EP300: variants seen among roughly 807,000 people sequenced by gnomAD.
The protein encoded by EP300 is EP300 lysine acetyltransferase, also known as histone acetyltransferase p300.
EP300 carries 31 observed loss-of-function variants against 264.0 expected under a neutral mutation model. The ratio of observed to expected loss-of-function variants is 0.12; its 90% CI spans 0.09 to 0.16. The LOEUF is 0.16. Among genes scored for constraint, EP300 ranks in the 10% least tolerant of loss-of-function variants. EP300 has a pLI of 1.00. For missense variants in EP300, 2,766 were observed against 3,052.9 expected (o/e 0.91, Z 2.21); for synonymous variants, 1,340 against 1,045.4 (o/e 1.28, Z -5.44).
chr22:41,145,253 TTTTTAA>T (rs1321492048), intron 10 of EP300, among the ~76,000 whole-genome samples: 1 of 152,260 alleles, frequency 6.6e-6, no homozygotes, highest in African/African-American at 2.4e-5. Context: ...TTTCTATTGA[TTTTTAA>T]TTTTTATGTA....
rs1057026423 is a variant in EP300 at position 41,149,803 on chromosome 22, A to G, written c.2422A>G (p.Met808Val). 1.2e-6 allele frequency: 2 copies of G among 1,613,868 alleles called. No individual in the cohort carries two copies. Among genetic ancestry groups the G allele is most frequent in the African/African-American group, 2.7e-5 (2 of 74,864 alleles). The change falls in exon 14 of 31, where the codon ATG (methionine) becomes GTG (valine). Residue 808 changes from methionine (M) to valine (V), a missense_variant. By Grantham distance (21) the Met-to-Val change is conservative. Coordinates refer to ENST00000263253, the MANE Select transcript of EP300 (RefSeq NM_001429.4). ...TTCCTGCCCGGTGAACTCTCCTATA[A>G]TGCCTCCAGGGTCTCAGGGGAGCCA... ...SSSCPVNSPI[M>V]PPGSQGSHIH...
intron 1 of EP300, among the ~76,000 whole-genome samples, chr22:41,108,597 C>T (rs1004432321): frequency 3.9e-5 from 6 of 152,090 alleles, no homozygotes; most frequent in African/African-American, 1.4e-4. Context: ...TCCCGTTTTA[C>T]TTCACCATGA....
intron 8 of EP300, 43 bp from the exon 9 acceptor site, chr22:41,140,097 A>C: frequency 7.2e-7 from 1 of 1,384,578 alleles, no homozygotes; most frequent in Non-Finnish European, 1.0e-6. Flanking sequence ...ATACTAATTA[A>C]ATGCTGACAT....
chr22:41,171,986 C>T (rs2059173531), intron 27 of EP300, among the ~76,000 whole-genome samples: 1 of 152,154 alleles, frequency 6.6e-6, no homozygotes. Flanking sequence ...ACTTGTCTTC[C>T]TCAATTTAGT....
At chr22:41,124,461 C>T (rs145199201) in intron 2 of EP300, among the ~76,000 whole-genome samples, 23 of 152,196 alleles carry the variant, frequency 1.5e-4, no homozygotes, top group African/African-American at 5.1e-4. Flanking sequence ...ATTCCCAAAC[C>T]ATCAGTTTTC....
chr22:41,110,604 C>T (rs1342939332), intron 1 of EP300, among the ~76,000 whole-genome samples: 1 of 151,924 alleles, frequency 6.6e-6, no homozygotes, highest in African/African-American at 2.4e-5. Flanking sequence ...GGCCTATATC[C>T]AGCTAATTTT....
At chr22:41,140,001 A>G in intron 8 of EP300, 139 bp from the exon 9 acceptor site, 1 of 681,968 alleles carries the variant, frequency 1.5e-6, no homozygotes, top group Non-Finnish European at 2.6e-6. Context: ...TCACAAAAAG[A>G]TAATTTCATT....
chr22:41,137,832 T>A, intron 8 of EP300, 42 bp downstream of exon 8: 1 of 1,613,662 alleles, frequency 6.2e-7, no homozygotes, highest in Non-Finnish European at 8.5e-7. Flanking sequence ...AAAGAGATGT[T>A]ACGTCAACAT....
chr22:41,119,110 T>A (rs536067363), intron 2 of EP300, among the ~76,000 whole-genome samples: 1 of 149,392 alleles, frequency 6.7e-6, no homozygotes. Context: ...TTAAACAGTC[T>A]TCTCGCCTCA....
At chr22:41,113,157 A>AACC (rs2058802817) in intron 1 of EP300, among the ~76,000 whole-genome samples, 2 of 92,914 alleles carry the variant, frequency 2.2e-5, no homozygotes, top group East Asian at 3.3e-4. Flanking sequence ...TCAGGATTCC[A>AACC]CCCCCCCCCC....
chr22:41,138,249 C>T (rs959071995), intron 8 of EP300, among the ~76,000 whole-genome samples: 2 of 152,108 alleles, frequency 1.3e-5, no homozygotes, highest in Non-Finnish European at 2.9e-5. Flanking sequence ...CTGCAGACTT[C>T]GCCTCCCAGG....
At position 41,166,679 on chromosome 22, in the gene EP300, C is replaced by T. The variant is rs545137722; in HGVS notation, c.3874+13C>T. ...TTTTCTGCTAAAAGTAAGTTTTATTCTTAAAGGTAAATTTTGGCAAAACTT... is the reference window on the plus strand; with the variant it reads ...TTTTCTGCTAAAAGTAAGTTTTATTTTTAAAGGTAAATTTTGGCAAAACTT... On this transcript the variant is annotated intron_variant, in intron 23 of 30. Transcript: ENST00000263253. 1.2e-5 allele frequency: 19 copies of T among 1,603,324 alleles called. No individual in the cohort carries two copies. In the African/African-American group the frequency reaches 1.9e-4, roughly 16 times the overall value.
At chr22:41,118,879 A>G (rs1601599187) in intron 2 of EP300, among the ~76,000 whole-genome samples, 2 of 152,128 alleles carry the variant, frequency 1.3e-5, no homozygotes, top group African/African-American at 2.4e-5. Flanking sequence ...GTTGGGGGGA[A>G]CTGAGGTGAC....
chr22:41,126,799 C>T (rs1226141497), intron 3 of EP300, among the ~76,000 whole-genome samples: 1 of 115,902 alleles, frequency 8.6e-6, no homozygotes, highest in Non-Finnish European at 1.6e-5. Flanking sequence ...GGCTGGAGTG[C>T]AGTGGTACGA....
At position 41,179,704 on chromosome 22, in the gene EP300, TTA is replaced by T. The variant is rs1229872914; in HGVS notation, c.*754_*755del. On this transcript the variant is annotated 3_prime_UTR_variant, in exon 31 of 31. Coordinates refer to ENST00000263253, the MANE Select transcript of EP300 (RefSeq NM_001429.4). ...CAGGGGCAGCTGCCAAATTGATGTA[TTA>T]TATATTGTGGTTTCTGTTTCTTGAA... The T allele has an allele frequency of 1.7e-5, 4 of 229,476 alleles. No individual in the cohort carries two copies. Among genetic ancestry groups the T allele is most frequent in the Non-Finnish European group, 3.5e-5 (4 of 115,626 alleles). 14.2% of individuals were successfully genotyped at this position (229,476 alleles called of 1,614,324 possible). A position where few individuals can be genotyped will look rare whatever the true frequency, so the allele number is the denominator to read the frequency against.
At chr22:41,122,874 A>G (rs1272137424) in intron 2 of EP300, among the ~76,000 whole-genome samples, 1 of 152,172 alleles carries the variant, frequency 6.6e-6, no homozygotes, top group East Asian at 1.9e-4. Context: ...CTCTACAAAA[A>G]TAAAAACAAA....
chr22:41,164,313 AAT>A (rs2059123492), intron 22 of EP300, among the ~76,000 whole-genome samples, 183 bp downstream of exon 22: 2 of 152,228 alleles, frequency 1.3e-5, no homozygotes, highest in African/African-American at 4.8e-5. Flanking sequence ...AGTATCCAAA[AAT>A]AGATTTTTAT....
In EP300 at chr22:41,149,919, C is replaced by T; in HGVS notation, c.2538C>T (p.Pro846=). The part of the protein sequence containing the change: ...PSRTPTPHHT[P]PSIGAQQPPA... Reference sequence around the variant, plus strand: ...GTACCCCCACCCCTCACCATACTCCCCCAAGCATAGGGGCTCAGCAGCCAC... The same window carrying T: ...GTACCCCCACCCCTCACCATACTCCTCCAAGCATAGGGGCTCAGCAGCCAC... The change falls in exon 14 of 31, where the codon CCC becomes CCT. Residue 846 remains proline (P), a synonymous_variant. Coordinates refer to ENST00000263253, the MANE Select transcript of EP300 (RefSeq NM_001429.4). 6.2e-7 allele frequency: 1 copy of T among 1,613,932 alleles called. No individual in the cohort carries two copies. Among genetic ancestry groups the T allele is most frequent in the Non-Finnish European group, 8.5e-7 (1 of 1,179,966 alleles).
rs373400475 is a variant in EP300, at chr22:41,173,132, A to G, written c.4617+469A>G. On this transcript the variant is annotated intron_variant, in intron 28 of 30. Transcript: ENST00000263253. ...ACCTCACCAGTTATTTCCCCATAGC[A>G]TATCTCGAATTACCTCCATTGAATT... Among the ~76,000 whole-genome samples the G allele has an allele frequency of 5.3e-5, 8 of 152,334 alleles. No individual in the cohort carries two copies. The East Asian group carries it at 7.7e-4, about 15-fold the overall frequency.
Sources: allele counts gnomAD v4.1 joint callset (sites outside exome capture counted in the v4.1 genomes callset), GRCh38; gene constraint gnomAD v4.1.1; transcripts MANE v1.5; gene names NCBI Gene and HGNC (gene_info 2026-07-23, HGNC 2026-07-21).